ZNF441: variants seen among roughly 807,000 people sequenced by gnomAD.
ZNF441 encodes the protein zinc finger protein 441.
In ZNF441, 25 loss-of-function variants were observed where a neutral mutation model predicts 64.5. The observed-to-expected ratio is 0.39, with a 90% CI of 0.28 to 0.54. The LOEUF is 0.54. ZNF441 is among the 20% of genes least tolerant of loss of function. ZNF441 has a pLI of 0.70. For missense variants in ZNF441, 715 were observed against 843.3 expected, an observed-to-expected ratio of 0.85 and a Z score of 1.88; for synonymous variants, 262 against 268.0, an observed-to-expected ratio of 0.98 and a Z score of 0.22.
intron 1 of ZNF441, among the ~76,000 whole-genome samples, chr19:11,772,812 G>A (rs991791095): frequency 2.0e-5 from 3 of 152,134 alleles, no homozygotes; most frequent in Admixed American, 2.0e-4. Flanking sequence ...AGGATCACTT[G>A]ATCCCAGGAA....
Position 11,780,339 on chromosome 19 carries a change from A to T in ZNF441, c.515A>T (p.Lys172Met). 3 of 1,614,214 alleles carry T rather than the reference A, an allele frequency of 1.9e-6. No individual in the cohort carries two copies. The highest frequency in any genetic ancestry group is 2.5e-6 in the Non-Finnish European group (3 of 1,180,044). ...CATGGAAAGAAACTCTATGATTGTA[A>T]GGAATGTGCAAGCTTCAGTTCTCTT... ...PQHGKKLYDCKECASFSSLEN... is the reference protein window; with the variant it reads ...PQHGKKLYDCMECASFSSLEN... Residue 172 changes from lysine to methionine, a missense_variant, in exon 4 of 4, where the codon AAG becomes ATG. Transcript: ENST00000357901.
At chr19:11,771,258 C>G (rs8111060) in intron 1 of ZNF441, among the ~76,000 whole-genome samples, 23,061 of 152,048 alleles carry the variant, frequency 0.15, 3,750 homozygotes, top group African/African-American at 0.39. Context: ...CAACTGCATG[C>G]CCACATAGTT....
At position 11,780,917 on chromosome 19, in the gene ZNF441, A is replaced by G. The variant is rs768653496; in HGVS notation, c.1093A>G (p.Lys365Glu). ...AACGCACACTGGAGATGGACCTCATAAATGCAAGGTATGTGGGAAAGCCTT... is the reference window on the plus strand; with the variant it reads ...AACGCACACTGGAGATGGACCTCATGAATGCAAGGTATGTGGGAAAGCCTT... ...MITHTGDGPH[K>E]CKVCGKAFDS... The change falls in exon 4 of 4, where the codon AAA (lysine) becomes GAA (glutamate). Residue 365 changes from lysine to glutamate, a missense_variant. By Grantham distance (56) the Lys-to-Glu change is moderately conservative. Transcript: ENST00000357901. The G allele has an allele frequency of 6.2e-7, 1 of 1,614,104 alleles. No individual in the cohort carries two copies. Among genetic ancestry groups the G allele is most frequent in the South Asian group, 1.1e-5 (1 of 91,080 alleles).
intron 1 of ZNF441, among the ~76,000 whole-genome samples, chr19:11,775,411 G>A (rs746159235): frequency 4.0e-5 from 6 of 148,746 alleles, no homozygotes; most frequent in Non-Finnish European, 8.9e-5. Flanking sequence ...CTCACTGCAA[G>A]CTCCGCCTCC....
chr19:11,779,334 A>AG, intron 3 of ZNF441, among the ~76,000 whole-genome samples: 1 of 150,642 alleles, frequency 6.6e-6, no homozygotes, highest in East Asian at 2.0e-4. Context: ...AAAAAAAAAA[A>AG]AAAGAAAAAG....
chr19:11,778,056 G>A (rs1368350930), intron 2 of ZNF441: 2 of 429,266 alleles, frequency 4.7e-6, no homozygotes, highest in Non-Finnish European at 4.1e-6. Context: ...ACATTATTTA[G>A]TATTCATAGA....
intron 1 of ZNF441, among the ~76,000 whole-genome samples, chr19:11,774,962 G>A (rs444131): frequency 0.47 from 72,166 of 152,030 alleles, 18,324 homozygotes; most frequent in African/African-American, 0.67. Context: ...CATTTTCAGA[G>A]CATGTCTGCA....
At chr19:11,774,715 G>T in intron 1 of ZNF441, among the ~76,000 whole-genome samples, 1 of 152,082 alleles carries the variant, frequency 6.6e-6, no homozygotes, top group African/African-American at 2.4e-5. Flanking sequence ...ACATATTTAA[G>T]ACAGTTGCTT....
intron 3 of ZNF441, among the ~76,000 whole-genome samples, chr19:11,779,279 A>G (rs1225007147): frequency 3.3e-5 from 5 of 149,494 alleles, no homozygotes; most frequent in Non-Finnish European, 3.0e-5. Flanking sequence ...TGTTCACATT[A>G]CTATACTCCA....
At position 11,780,703 on chromosome 19, in the gene ZNF441, A is replaced by T. The variant is rs1197578794; in HGVS notation, c.879A>T (p.Gly293=). ...KQCGKAFYHL[G]SFQRHMIVHT... ...GTGGGAAAGCATTTTATCATCTTGG[A>T]AGCTTTCAAAGACACATGATAGTGC... Residue 293 remains glycine, a synonymous_variant, in exon 4 of 4, where the codon GGA becomes GGT. Coordinates refer to ENST00000357901, the MANE Select transcript of ZNF441 (RefSeq NM_152355.3). 5 of 1,614,044 alleles carry T rather than the reference A, an allele frequency of 3.1e-6. No homozygotes were observed. Among genetic ancestry groups the T allele is most frequent in the Non-Finnish European group, 4.2e-6 (5 of 1,179,986 alleles).
chr19:11,777,676 A>T lies in ZNF441; in HGVS notation c.69A>T (p.Pro23=), dbSNP rs746410374. Reference sequence around the variant, plus strand: ...GTGAGGAGTGGGCTTTGCTGGGTCCATCACAGAAGAGTCTCTACAGAGATG... The same window carrying T: ...GTGAGGAGTGGGCTTTGCTGGGTCCTTCACAGAAGAGTCTCTACAGAGATG... ...FTCEEWALLG[P]SQKSLYRDVM... The change falls in exon 2 of 4, where the codon CCA becomes CCT. Residue 23 remains proline (P), a synonymous_variant. Coordinates refer to ENST00000357901, the MANE Select transcript of ZNF441 (RefSeq NM_152355.3). 3.7e-6 allele frequency: 6 copies of T among 1,613,768 alleles called. No homozygotes were observed. In the African/African-American group the frequency reaches 8.0e-5, roughly 22 times the overall value.
At chr19:11,772,340 G>A (rs447673) in intron 1 of ZNF441, among the ~76,000 whole-genome samples, 76,977 of 151,472 alleles carry the variant, frequency 0.51, 21,743 homozygotes, top group African/African-American at 0.78. Flanking sequence ...TTATTTCTAC[G>A]CTCTCTCGTC....
intron 3 of ZNF441, 105 bp from the exon 4 acceptor site, chr19:11,779,912 GAA>G: frequency 6.3e-6 from 6 of 945,824 alleles, no homozygotes; most frequent in Non-Finnish European, 8.9e-6. Flanking sequence ...ACCTGTCTCA[GAA>G]AAAAAAAAGA....
chr19:11,767,311 C>A lies in ZNF441; in HGVS notation c.3+115C>A. ...CCGCCGGCGACACCCTGGCGCAGCT[C>A]GGCCCTCGGTTCCCTCGGCCGCACG... On this transcript the variant is annotated intron_variant, in intron 1 of 3. Coordinates refer to ENST00000357901, the MANE Select transcript of ZNF441 (RefSeq NM_152355.3). This position sits in a 1 kb window ranked among gnomAD's most constrained non-coding sequence, Gnocchi z 5.1. 7 of 1,495,174 alleles carry A rather than the reference C, an allele frequency of 4.7e-6. No individual in the cohort carries two copies. The highest frequency in any genetic ancestry group is 4.5e-6 in the Non-Finnish European group (5 of 1,100,124). 92.6% of individuals were successfully genotyped at this position (1,495,174 alleles called of 1,614,324 possible).
At position 11,777,602 on chromosome 19, in the gene ZNF441, A is replaced by C; in HGVS notation, c.4-9A>C. On this transcript the variant is annotated splice_polypyrimidine_tract_variant and intron_variant, in intron 1 of 3. Coordinates refer to ENST00000357901, the MANE Select transcript of ZNF441 (RefSeq NM_152355.3). ...AATATTCCTCCTCTGCACATGTGAAATATTTCAGGACTCAGTGGCATTTGA... is the reference window on the plus strand; with the variant it reads ...AATATTCCTCCTCTGCACATGTGAACTATTTCAGGACTCAGTGGCATTTGA... 1 of 1,609,144 alleles carries C rather than the reference A, an allele frequency of 6.2e-7. No homozygotes were observed. The highest frequency in any genetic ancestry group is 8.5e-7 in the Non-Finnish European group (1 of 1,178,000).
chr19:11,777,794 T>A, intron 2 of ZNF441, 57 bp downstream of exon 2: 2 of 1,561,264 alleles, frequency 1.3e-6, no homozygotes, highest in Non-Finnish European at 8.6e-7. Flanking sequence ...TTCTTGGTCA[T>A]CAATGCTGTT....
chr19:11,779,999 G>C lies in ZNF441; in HGVS notation c.195-20G>C, dbSNP rs187847930. 13 of 1,549,894 alleles carry C rather than the reference G, an allele frequency of 8.4e-6. No homozygotes were observed. In the East Asian group the frequency reaches 2.7e-4, roughly 32 times the overall value. On this transcript the variant is annotated intron_variant, in intron 3 of 3. Transcript: ENST00000357901. ...CATTTATAAACAAACCTTTACTAAT[G>C]TACTTCTTATTTTTTACAGATGTCA...
In ZNF441 at chr19:11,767,010, C is replaced by A; in HGVS notation, c.-184C>A. The A allele has an allele frequency of 5.0e-6, 4 of 807,832 alleles. No individual in the cohort carries two copies. The highest frequency in any genetic ancestry group is 3.9e-6 in the Non-Finnish European group (2 of 513,306). 50.0% of individuals were successfully genotyped at this position (807,832 alleles called of 1,614,324 possible). ...GGGGTCGTGAGAACTGTCAATCAGG[C>A]GCACTGACCGGAGGAGGGTGCAAGG... is the stretch of plus-strand genomic sequence containing the variant. On this transcript the variant is annotated 5_prime_UTR_variant, in exon 1 of 4. Coordinates refer to ENST00000357901, the MANE Select transcript of ZNF441 (RefSeq NM_152355.3). The surrounding 1 kb of genome is among the most constrained non-coding windows in gnomAD (Gnocchi z 5.1).
At chr19:11,775,552 A>G (rs1413151158) in intron 1 of ZNF441, among the ~76,000 whole-genome samples, 2 of 149,704 alleles carry the variant, frequency 1.3e-5, no homozygotes, top group Non-Finnish European at 2.9e-5. Context: ...GATGGTCTCG[A>G]TCTCCTGACC....
Sources: gnomAD v4.1 joint callset for allele counts (sites outside exome capture counted in the v4.1 genomes callset) on GRCh38, gnomAD v4.1.1 for gene constraint, Gnocchi (gnomAD v3.1) non-coding constraint, MANE v1.5 for transcripts, NCBI Gene and HGNC (gene_info 2026-07-23, HGNC 2026-07-21) for gene names.